Variants in ZNF277 observed in about 807,000 individuals in gnomAD.
ZNF277 encodes the protein zinc finger protein 277, also known as nuclear receptor-interacting factor 4.
Under a neutral mutation model 60.7 loss-of-function variants are expected in ZNF277, and 55 were observed. The observed-to-expected ratio is 0.91, with a 90% CI of 0.73 to 1.13. ZNF277 has a LOEUF of 1.13. Among genes scored for constraint, ZNF277 ranks in the 50% most tolerant of loss-of-function variants. The probability of loss-of-function intolerance (pLI) is 0.00; values close to 1 mark genes in which losing one functional copy is unlikely to be tolerated. For missense variants in ZNF277, 510 were observed against 523.0 expected (o/e 0.98, Z 0.24); for synonymous variants, 178 against 179.3 (o/e 0.99, Z 0.06).
At chr7:112,302,593 C>T (rs1289851103) in intron 4 of ZNF277, among the ~76,000 whole-genome samples, 2 of 152,196 alleles carry the variant, frequency 1.3e-5, no homozygotes, top group East Asian at 3.9e-4. Context: ...GTAAGTTTAA[C>T]CTTCAGATTG....
chr7:112,327,600 G>C (rs1196769099), intron 5 of ZNF277, 117 bp from the exon 6 acceptor site: 1 of 700,566 alleles, frequency 1.4e-6, no homozygotes, highest in Non-Finnish European at 2.5e-6. Flanking sequence ...CTTTGTGTTA[G>C]TGCTTAGCAC....
intron 6 of ZNF277, 142 bp from the exon 7 acceptor site, chr7:112,329,942 G>T (rs1016968465): frequency 3.2e-6 from 3 of 950,902 alleles, no homozygotes; most frequent in Non-Finnish European, 4.5e-6. Flanking sequence ...AAAGTGAGGG[G>T]GGATTCTGAC....
intron 1 of ZNF277, among the ~76,000 whole-genome samples, chr7:112,234,732 TTTATA>T (rs1156728002): frequency 6.6e-6 from 1 of 152,018 alleles, no homozygotes; most frequent in African/African-American, 2.4e-5. Flanking sequence ...ATGACTATTA[TTTATA>T]TTATAAAATT....
chr7:112,314,940 A>G (rs1792810931), intron 4 of ZNF277, among the ~76,000 whole-genome samples: 1 of 152,126 alleles, frequency 6.6e-6, no homozygotes, highest in African/African-American at 2.4e-5. Flanking sequence ...TTTTAGTTTT[A>G]TTTCCAGATA....
At chr7:112,212,950 T>A (rs778578370) in intron 1 of ZNF277, among the ~76,000 whole-genome samples, 3 of 152,168 alleles carry the variant, frequency 2.0e-5, no homozygotes, top group Non-Finnish European at 2.9e-5. Context: ...TCACAAGGTA[T>A]AGGCCGTGGG....
chr7:112,206,702 C>G lies in ZNF277; in HGVS notation c.-15C>G. 1 of 1,612,656 alleles carries G rather than the reference C, an allele frequency of 6.2e-7. No homozygotes were observed. Among genetic ancestry groups the G allele is most frequent in the Non-Finnish European group, 8.5e-7 (1 of 1,179,566 alleles). On this transcript the variant is annotated 5_prime_UTR_variant, in exon 1 of 12. Transcript: ENST00000361822. ...GACCCGCCCTGCGGCCCTCCCTTTT[C>G]TTTTCTGCCGGGTAATGGCTGCTTC...
intron 4 of ZNF277, among the ~76,000 whole-genome samples, chr7:112,312,748 G>A (rs1251788296): frequency 2.0e-5 from 3 of 152,002 alleles, no homozygotes; most frequent in African/African-American, 7.2e-5. Context: ...AAAAATAGAA[G>A]AGTAGCAAAG....
chr7:112,240,271 A>G (rs1413183142), intron 1 of ZNF277, among the ~76,000 whole-genome samples: 1 of 152,178 alleles, frequency 6.6e-6, no homozygotes, highest in Non-Finnish European at 1.5e-5. Flanking sequence ...CTCCAGTGTT[A>G]CATCAAGTTA....
chr7:112,258,654 A>ATTTAC (rs987001567), intron 1 of ZNF277, among the ~76,000 whole-genome samples: 3 of 152,144 alleles, frequency 2.0e-5, no homozygotes, highest in Non-Finnish European at 2.9e-5. Context: ...GTAATTAAAA[A>ATTTAC]TTTACTTTTT....
chr7:112,263,706 A>C (rs1791484406), intron 1 of ZNF277, among the ~76,000 whole-genome samples: 1 of 152,176 alleles, frequency 6.6e-6, no homozygotes, highest in African/African-American at 2.4e-5. Context: ...CATTTTCTGC[A>C]GTATTTGTCT....
intron 1 of ZNF277, among the ~76,000 whole-genome samples, chr7:112,277,077 A>ATTTTTTTTTTTTTTT (rs59902516): frequency 9.6e-6 from 1 of 104,480 alleles, no homozygotes; most frequent in African/African-American, 4.1e-5. Context: ...GAATCTGTTG[A>ATTTTTTTTTTTTTTT]TTTTTTTTTT....
chr7:112,308,889 T>C (rs538093424), intron 4 of ZNF277, among the ~76,000 whole-genome samples: 1 of 152,100 alleles, frequency 6.6e-6, no homozygotes, highest in South Asian at 2.1e-4. Context: ...CTAAATTTGA[T>C]GAAGAAATGG....
At chr7:112,280,870 C>A (rs6950339) in intron 1 of ZNF277, among the ~76,000 whole-genome samples, 1 of 152,096 alleles carries the variant, frequency 6.6e-6, no homozygotes, top group Non-Finnish European at 1.5e-5. Context: ...TCAAGTAATG[C>A]GCCCACCTCA....
In ZNF277 at chr7:112,232,079, A is replaced by G. The variant is rs1048902223; in HGVS notation, c.91+25272A>G. On this transcript the variant is annotated intron_variant, in intron 1 of 11. Transcript: ENST00000361822. ...TATATATATATATATATATATATAT[A>G]TATATTCCCTTAACTGAAAGTTATC... Among the ~76,000 whole-genome samples, 29 of 110,186 alleles carry G rather than the reference A, an allele frequency of 2.6e-4. No individual in the cohort carries two copies. The East Asian group carries it at 8.1e-3, about 31-fold the overall frequency. 72.3% of individuals were successfully genotyped at this position (110,186 alleles called of 152,430 possible).
At chr7:112,239,068 A>AACCTTGGATG (rs1790877171) in intron 1 of ZNF277, among the ~76,000 whole-genome samples, 1 of 152,112 alleles carries the variant, frequency 6.6e-6, no homozygotes, top group South Asian at 2.1e-4. Flanking sequence ...CTCACCAATG[A>AACCTTGGATG]ACCTTGGATG....
chr7:112,327,733 C>T lies in ZNF277; in HGVS notation c.574C>T (p.His192Tyr). Residue 192 changes from histidine (H) to tyrosine (Y), a missense_variant, in exon 6 of 12, where the codon CAC (histidine) becomes TAC (tyrosine). Coordinates refer to ENST00000361822, the MANE Select transcript of ZNF277 (RefSeq NM_021994.3). ...FLGNRSVILN[H>Y]MAREHAFNIG... ...TCTTCCTAGATCTGTTATTTTGAAC[C>T]ACATGGCCAGAGAACATGCTTTCAA... The T allele has an allele frequency of 6.2e-7, 1 of 1,611,104 alleles. No homozygotes were observed. Among genetic ancestry groups the T allele is most frequent in the Non-Finnish European group, 8.5e-7 (1 of 1,179,120 alleles).
At chr7:112,272,922 T>G (rs1046884377) in intron 1 of ZNF277, among the ~76,000 whole-genome samples, 1 of 152,226 alleles carries the variant, frequency 6.6e-6, no homozygotes, top group Non-Finnish European at 1.5e-5. Flanking sequence ...ATTTTCTGTC[T>G]TTTGGGTAAA....
chr7:112,209,668 A>G (rs1821684263), intron 1 of ZNF277, among the ~76,000 whole-genome samples: 1 of 152,206 alleles, frequency 6.6e-6, no homozygotes, highest in Non-Finnish European at 1.5e-5. Context: ...TTAATAACCT[A>G]TGTATCATTC....
intron 10 of ZNF277, among the ~76,000 whole-genome samples, chr7:112,340,356 A>G (rs570685224): frequency 6.6e-6 from 1 of 152,300 alleles, no homozygotes; most frequent in South Asian, 2.1e-4. Context: ...GTATCATTCT[A>G]AGTATCACAA....
Sources: allele counts gnomAD v4.1 joint callset (sites outside exome capture counted in the v4.1 genomes callset), GRCh38; gene constraint gnomAD v4.1.1; transcripts MANE v1.5; gene names NCBI Gene and HGNC (gene_info 2026-07-23, HGNC 2026-07-21).